The following TRPC3 variants were observed in gnomAD, a reference collection of about 807,000 sequenced individuals.
The protein encoded by TRPC3 is transient receptor potential cation channel subfamily C member 3, also known as short transient receptor potential channel 3.
TRPC3 carries 54 observed loss-of-function variants against 90.9 expected under a neutral mutation model. The ratio of observed to expected loss-of-function variants is 0.59; its 90% CI spans 0.48 to 0.75. The LOEUF is 0.75. TRPC3 is among the 30% of genes least tolerant of loss of function. The pLI, the probability that TRPC3 is intolerant of heterozygous loss-of-function variation, is 0.00. For missense variants in TRPC3, 918 were observed against 1,194.5 expected (o/e 0.77, Z 3.41); for synonymous variants, 424 against 450.9 (o/e 0.94, Z 0.75).
At chr4:121,887,147 A>G (rs1043787438) in intron 10 of TRPC3, among the ~76,000 whole-genome samples, 1 of 152,158 alleles carries the variant, frequency 6.6e-6, no homozygotes, top group Non-Finnish European at 1.5e-5. Context: ...TCCCATACTC[A>G]TGTTCTCTGG....
intron 1 of TRPC3, among the ~76,000 whole-genome samples, chr4:121,946,080 T>C (rs989962864): frequency 6.6e-6 from 1 of 151,804 alleles, no homozygotes; most frequent in African/African-American, 2.4e-5. Context: ...ATATAAAAAC[T>C]AGGGGATCAG....
intron 1 of TRPC3, among the ~76,000 whole-genome samples, chr4:121,948,236 T>C (rs1331801595): frequency 6.6e-6 from 1 of 152,126 alleles, no homozygotes; most frequent in African/African-American, 2.4e-5. Context: ...CCTTTGCTTT[T>C]TTCTTGTCAA....
chr4:121,936,695 G>C (rs1730140879), intron 1 of TRPC3, among the ~76,000 whole-genome samples: 1 of 152,140 alleles, frequency 6.6e-6, no homozygotes, highest in South Asian at 2.1e-4. Context: ...TATAGGACAA[G>C]AGGGCTTGCT....
chr4:121,925,344 G>C (rs1729666173), intron 2 of TRPC3, 138 bp from the exon 3 acceptor site: 3 of 912,424 alleles, frequency 3.3e-6, no homozygotes, highest in Non-Finnish European at 4.8e-6. Context: ...GGCTTGTTGA[G>C]CTGAATACAG....
chr4:121,937,841 CT>C (rs1363534386), intron 1 of TRPC3, among the ~76,000 whole-genome samples: 1 of 152,102 alleles, frequency 6.6e-6, no homozygotes, highest in Non-Finnish European at 1.5e-5. Flanking sequence ...AGTCTTTCTC[CT>C]TTTTTAAATT....
intron 2 of TRPC3, among the ~76,000 whole-genome samples, chr4:121,925,521 G>A (rs1486559514): frequency 2.0e-5 from 3 of 152,184 alleles, no homozygotes; most frequent in South Asian, 2.1e-4. Flanking sequence ...GGCAGGGGGC[G>A]GGAGTAGGAG....
chr4:121,886,312 C>T (rs907630012), intron 10 of TRPC3, among the ~76,000 whole-genome samples: 12 of 151,936 alleles, frequency 7.9e-5, no homozygotes, highest in African/African-American at 2.4e-4. Context: ...AGATTTTGTA[C>T]TATGAATTTT....
intron 4 of TRPC3, among the ~76,000 whole-genome samples, 175 bp downstream of exon 4, chr4:121,914,605 T>C (rs1278454364): frequency 6.6e-6 from 1 of 152,246 alleles, no homozygotes; most frequent in Non-Finnish European, 1.5e-5. Flanking sequence ...TACCAAATCC[T>C]TTTTCATCCC....
chr4:121,920,182 T>C (rs1193055288), intron 3 of TRPC3, among the ~76,000 whole-genome samples: 2 of 152,194 alleles, frequency 1.3e-5, no homozygotes, highest in African/African-American at 4.8e-5. Context: ...ATAGTAATAG[T>C]GTTCACTATC....
intron 2 of TRPC3, among the ~76,000 whole-genome samples, chr4:121,931,408 C>T (rs1269372194): frequency 2.6e-5 from 4 of 151,994 alleles, no homozygotes; most frequent in Admixed American, 2.6e-4. Context: ...CTATGAAATA[C>T]CCAGATTTAG....
Position 121,902,888 on chromosome 4 carries a change from C to T in TRPC3, c.2427G>A (p.Lys809=). The change falls in exon 9 of 12, where the codon AAG becomes AAA. Residue 809 remains lysine, a synonymous_variant. Transcript: ENST00000379645. The stretch of plus-strand genomic sequence containing the variant: ...AGTTACCCATTCCCATTTCTATATC[C>T]TTCTGAAGCCTTCTCCTTCTGCATT... ...FPKCRRRRLQ[K]DIEMGMGNSK... 6.2e-7 allele frequency: 1 copy of T among 1,612,940 alleles called. No individual in the cohort carries two copies. Among genetic ancestry groups the T allele is most frequent in the Non-Finnish European group, 8.5e-7 (1 of 1,179,510 alleles).
chr4:121,920,511 G>C (rs1346816805), intron 3 of TRPC3, among the ~76,000 whole-genome samples: 1 of 151,874 alleles, frequency 6.6e-6, no homozygotes, highest in East Asian at 1.9e-4. Context: ...GAGACAGAGT[G>C]AGACTCCATT....
intron 4 of TRPC3, among the ~76,000 whole-genome samples, 197 bp from the exon 5 acceptor site, chr4:121,912,290 A>G (rs990204525): frequency 6.6e-6 from 1 of 152,204 alleles, no homozygotes; most frequent in Non-Finnish European, 1.5e-5. Flanking sequence ...TAAGTATTCA[A>G]AATTCATTGT....
At chr4:121,890,666 A>C (rs1728292203) in intron 10 of TRPC3, among the ~76,000 whole-genome samples, 1 of 152,208 alleles carries the variant, frequency 6.6e-6, no homozygotes. Context: ...AATTATTCAA[A>C]AATTAAAAGA....
intron 2 of TRPC3, among the ~76,000 whole-genome samples, chr4:121,931,366 G>T (rs1161000499): frequency 2.0e-5 from 3 of 152,134 alleles, no homozygotes; most frequent in Non-Finnish European, 2.9e-5. Flanking sequence ...ACAAGAAGCT[G>T]CCAAAAACAG....
chr4:121,944,757 T>G (rs560377622), intron 1 of TRPC3, among the ~76,000 whole-genome samples: 2 of 152,360 alleles, frequency 1.3e-5, no homozygotes, highest in South Asian at 4.1e-4. Context: ...TGATTTGCCA[T>G]CAGCAGCCAA....
At chr4:121,942,017 A>T (rs1730335458) in intron 1 of TRPC3, among the ~76,000 whole-genome samples, 1 of 152,166 alleles carries the variant, frequency 6.6e-6, no homozygotes, top group South Asian at 2.1e-4. Context: ...CATAGAGCTC[A>T]ATAATACATT....
Position 121,932,497 on chromosome 4 carries a change from A to G in TRPC3, c.761T>C (p.Met254Thr), listed in dbSNP as rs1729975836. Reference sequence around the variant, plus strand: ...CGGCCGCTCGATCCTGGCACCCTTCATCAGCAGCATGTGCACCACTTCGTA... The same window carrying G: ...CGGCCGCTCGATCCTGGCACCCTTCGTCAGCAGCATGTGCACCACTTCGTA... The part of the protein sequence containing the change: ...QKYEVVHMLL[M>T]KGARIERPHD... The change falls in exon 2 of 12, where the codon ATG (methionine) becomes ACG (threonine). Residue 254 changes from methionine (M) to threonine (T), a missense_variant. Physicochemically the swap from Met to Thr is moderately conservative, Grantham distance 81. Around this residue, in one of 4 missense-constraint regions of TRPC3, gnomAD observed 609 missense variants for 725.9 expected, o/e 0.84. Coordinates refer to ENST00000379645, the MANE Select transcript of TRPC3 (RefSeq NM_001130698.2). The surrounding 1 kb of genome is among the most constrained non-coding windows in gnomAD (Gnocchi z 7.7). 6.2e-7 allele frequency: 1 copy of G among 1,614,080 alleles called. No individual in the cohort carries two copies. The highest frequency in any genetic ancestry group is 8.5e-7 in the Non-Finnish European group (1 of 1,180,032).
At chr4:121,900,923 C>T (rs1728678457) in intron 9 of TRPC3, among the ~76,000 whole-genome samples, 1 of 152,114 alleles carries the variant, frequency 6.6e-6, no homozygotes. Context: ...TCTTTCCTGT[C>T]AATGGTACGA....
Sources: allele counts gnomAD v4.1 joint callset (sites outside exome capture counted in the v4.1 genomes callset), GRCh38; gene constraint gnomAD v4.1.1; regional missense constraint gnomAD v4.1.1; non-coding constraint Gnocchi (gnomAD v3.1); transcripts MANE v1.5; gene names NCBI Gene and HGNC (gene_info 2026-07-23, HGNC 2026-07-21).